Variants in DCDC2C observed in about 807,000 individuals in gnomAD.
DCDC2C encodes the protein doublecortin domain containing 2C.
In DCDC2C, 44 loss-of-function variants were observed where a neutral mutation model predicts 45.0. The ratio of observed to expected loss-of-function variants is 0.98; its 90% CI spans 0.77 to 1.26. The LOEUF (loss-of-function observed/expected upper bound fraction) is 1.26, where lower values mean the gene tolerates loss of function less well. Ranked by LOEUF, DCDC2C falls within the 50% of genes most tolerant of loss-of-function variation. The probability of loss-of-function intolerance (pLI) is 0.00; values close to 1 mark genes in which losing one functional copy is unlikely to be tolerated. For missense variants in DCDC2C, 447 were observed against 468.9 expected (o/e 0.95, Z 0.43); for synonymous variants, 187 against 178.8 (o/e 1.05, Z -0.37).
At chr2:3,719,429 CCTCTGG>C (rs1258584815) in intron 2 of DCDC2C, among the ~76,000 whole-genome samples, 3 of 152,200 alleles carry the variant, frequency 2.0e-5, no homozygotes, top group Non-Finnish European at 4.4e-5. Context: ...GCCTCCCAAG[CCTCTGG>C]CTGTCCACAT....
intron 4 of DCDC2C, among the ~76,000 whole-genome samples, chr2:3,743,310 G>T (rs115159183): frequency 3.4e-4 from 52 of 152,262 alleles, no homozygotes; most frequent in African/African-American, 1.2e-3. Flanking sequence ...AATAATAGGA[G>T]GTGACTTCAG....
At chr2:3,844,297 A>T (rs2148249437) in intron 10 of DCDC2C, 1 of 152,664 alleles carries the variant, frequency 6.6e-6, no homozygotes. Flanking sequence ...CCACGCAGCC[A>T]TGCCTGGGAC....
chr2:3,834,865 ATAT>A (rs1456680669), intron 10 of DCDC2C, among the ~76,000 whole-genome samples: 1 of 152,212 alleles, frequency 6.6e-6, no homozygotes, highest in Non-Finnish European at 1.5e-5. Context: ...GGAGCATCAC[ATAT>A]TATGTGCTGG....
At chr2:3,795,404 GC>G (rs1450350245) in intron 10 of DCDC2C, among the ~76,000 whole-genome samples, 1 of 127,890 alleles carries the variant, frequency 7.8e-6, no homozygotes, top group East Asian at 3.0e-4. Flanking sequence ...GTCTTTTGTT[GC>G]CATTGCTTTT....
chr2:3,740,428 A>G (rs1263076484), intron 3 of DCDC2C, among the ~76,000 whole-genome samples: 4 of 152,224 alleles, frequency 2.6e-5, no homozygotes, highest in Non-Finnish European at 5.9e-5. Flanking sequence ...CAGCTACATC[A>G]GCAGTGGGAT....
intron 3 of DCDC2C, among the ~76,000 whole-genome samples, chr2:3,727,639 G>A (rs1668733366): frequency 6.6e-6 from 1 of 152,254 alleles, no homozygotes; most frequent in Non-Finnish European, 1.5e-5. Context: ...GAGGTGCTCA[G>A]TGGGAGGCAC....
rs757931337 is a variant in DCDC2C, at chr2:3,800,628, C to T, written c.1065+15528C>T. On this transcript the variant is annotated intron_variant, in intron 10 of 10. Transcript: ENST00000399143. ...CATAAGTGCTTTTTCTTGAGATAAT[C>T]GTGTGGCTTCAATGCGCACCAGAAG... 2.3e-4 allele frequency among the ~76,000 whole-genome samples: 29 copies of T among 123,976 alleles called. 5 individuals are homozygous for T. Among genetic ancestry groups the T allele is most frequent in the Admixed American group, 6.1e-4 (7 of 11,536 alleles). 81.3% of individuals were successfully genotyped at this position (123,976 alleles called of 152,430 possible).
chr2:3,801,957 G>A (rs1283842188), intron 10 of DCDC2C, among the ~76,000 whole-genome samples: 2 of 152,214 alleles, frequency 1.3e-5, no homozygotes, highest in African/African-American at 4.8e-5. Context: ...AGGAACTCTT[G>A]GGCTTCAGCT....
chr2:3,773,197 G>A (rs6751962), intron 8 of DCDC2C, among the ~76,000 whole-genome samples: 42,444 of 151,990 alleles, frequency 0.28, 6,349 homozygotes, highest in East Asian at 0.58. Flanking sequence ...GAGAGAAGGC[G>A]ATTCACTGGT....
At chr2:3,809,274 C>G (rs1671331625) in intron 10 of DCDC2C, among the ~76,000 whole-genome samples, 1 of 152,178 alleles carries the variant, frequency 6.6e-6, no homozygotes, top group Admixed American at 6.5e-5. Context: ...ATTTCTGTAG[C>G]AATCCTGCTA....
chr2:3,714,203 T>TATTTAATATTGTAATAG (rs1274630251), intron 2 of DCDC2C, among the ~76,000 whole-genome samples: 3 of 152,224 alleles, frequency 2.0e-5, no homozygotes, highest in African/African-American at 7.2e-5. Flanking sequence ...TACCATAATA[T>TATTTAATATTGTAATAG]ACATTTAATA....
At chr2:3,730,541 G>T (rs1228893702) in intron 3 of DCDC2C, among the ~76,000 whole-genome samples, 1 of 152,164 alleles carries the variant, frequency 6.6e-6, no homozygotes, top group East Asian at 1.9e-4. Flanking sequence ...ACCAGGGGAA[G>T]AAGAGAGCCC....
At chr2:3,815,749 A>G (rs1243828013) in intron 10 of DCDC2C, among the ~76,000 whole-genome samples, 2 of 152,210 alleles carry the variant, frequency 1.3e-5, no homozygotes, top group Non-Finnish European at 2.9e-5. Context: ...AGGGGTCACA[A>G]GGTGCTCAGT....
chr2:3,767,634 G>A, intron 6 of DCDC2C, 120 bp from the exon 7 acceptor site: 2 of 1,183,554 alleles, frequency 1.7e-6, no homozygotes, highest in Non-Finnish European at 2.3e-6. Context: ...AGGTGCCTGA[G>A]TTTCCTCCTA....
chr2:3,716,034 A>G (rs1253878356), intron 2 of DCDC2C, among the ~76,000 whole-genome samples: 1 of 152,176 alleles, frequency 6.6e-6, no homozygotes, highest in Non-Finnish European at 1.5e-5. Context: ...CCGACGGTGC[A>G]AAGGACACTG....
At chr2:3,843,667 G>T (rs55804313) in intron 10 of DCDC2C, among the ~76,000 whole-genome samples, 14,344 of 152,216 alleles carry the variant, frequency 0.094, 1,109 homozygotes, top group East Asian at 0.4. Flanking sequence ...TGAAGGGCAT[G>T]GCCTCTGGAT....
intron 2 of DCDC2C, among the ~76,000 whole-genome samples, chr2:3,714,004 T>C (rs1668287693): frequency 6.6e-6 from 1 of 152,242 alleles, no homozygotes; most frequent in South Asian, 2.1e-4. Flanking sequence ...AAAAATTCAA[T>C]GTCTAAATGT....
chr2:3,738,661 G>C (rs754999107), intron 3 of DCDC2C, among the ~76,000 whole-genome samples: 5 of 151,508 alleles, frequency 3.3e-5, no homozygotes, highest in Non-Finnish European at 5.9e-5. Context: ...TGGGCCATGC[G>C]TGATCAGGCG....
chr2:3,778,478 C>T (rs1287601293), intron 8 of DCDC2C, among the ~76,000 whole-genome samples: 2 of 152,148 alleles, frequency 1.3e-5, no homozygotes, highest in South Asian at 2.1e-4. Context: ...CTGTGGAGGG[C>T]GTCTGCTGAC....
Sources: allele counts gnomAD v4.1 joint callset (sites outside exome capture counted in the v4.1 genomes callset), GRCh38; gene constraint gnomAD v4.1.1; transcripts MANE v1.5; gene names NCBI Gene and HGNC (gene_info 2026-07-23, HGNC 2026-07-21).